The following CHL1 variants were observed in gnomAD, a reference collection of about 807,000 sequenced individuals.
CHL1 encodes the protein neural cell adhesion molecule L1-like protein.
In CHL1, 96 loss-of-function variants were observed where a neutral mutation model predicts 141.9. The observed-to-expected ratio is 0.68, with a 90% CI of 0.57 to 0.80. CHL1 has a LOEUF of 0.80. Among genes scored for constraint, CHL1 ranks in the 30% least tolerant of loss-of-function variants. CHL1 has a pLI of 0.00. For missense variants in CHL1, 1,820 were observed against 1,457.2 expected (o/e 1.25, Z -4.05); for synonymous variants, 613 against 502.2 (o/e 1.22, Z -2.95).
intron 2 of CHL1, among the ~76,000 whole-genome samples, chr3:261,058 A>G (rs1043795019): frequency 1.1e-4 from 16 of 152,196 alleles, no homozygotes; most frequent in Admixed American, 2.0e-4. Context: ...TAAACCTTAT[A>G]ATAACATCAC....
At chr3:357,077 T>A (rs763448422) in intron 11 of CHL1, among the ~76,000 whole-genome samples, 23 of 152,192 alleles carry the variant, frequency 1.5e-4, no homozygotes, top group Non-Finnish European at 2.8e-4. Context: ...AATAGGTTTG[T>A]TAATGGATGA....
intron 13 of CHL1, among the ~76,000 whole-genome samples, chr3:362,447 G>A (rs985850007): frequency 3.9e-5 from 6 of 151,906 alleles, no homozygotes. Context: ...TTTGTTCATC[G>A]TGGGTTTTTT....
intron 24 of CHL1, among the ~76,000 whole-genome samples, chr3:395,456 C>G (rs1255117429): frequency 6.6e-6 from 1 of 152,152 alleles, no homozygotes; most frequent in African/African-American, 2.4e-5. Context: ...TAACCATTTC[C>G]TTTCCCAAAT....
intron 3 of CHL1, among the ~76,000 whole-genome samples, chr3:322,672 TTA>T (rs1199118265): frequency 3.1e-5 from 4 of 127,844 alleles, no homozygotes; most frequent in Middle Eastern, 4.1e-3. Context: ...ATATATATAA[TTA>T]TATATATATA....
chr3:279,590 G>A (rs1696453583), intron 2 of CHL1, among the ~76,000 whole-genome samples: 1 of 152,144 alleles, frequency 6.6e-6, no homozygotes, highest in South Asian at 2.1e-4. Flanking sequence ...TTCTTAAATG[G>A]TCTTTTTTAT....
At chr3:322,190 A>C (rs1392991201) in intron 3 of CHL1, among the ~76,000 whole-genome samples, 1 of 152,120 alleles carries the variant, frequency 6.6e-6, no homozygotes, top group Admixed American at 6.6e-5. Context: ...ATGAAAATAC[A>C]GACATTTTGC....
At chr3:200,270 G>A (rs906075161) in intron 1 of CHL1, among the ~76,000 whole-genome samples, 7 of 152,118 alleles carry the variant, frequency 4.6e-5, no homozygotes, top group Admixed American at 2.6e-4. Context: ...AATGCACTTG[G>A]AATGCTTAAG....
chr3:317,542 G>C lies in CHL1; in HGVS notation c.-94-2141G>C, dbSNP rs114300093. Among the ~76,000 whole-genome samples the C allele has an allele frequency of 5.0e-3, 762 of 151,278 alleles. 6 individuals carry two copies. Among genetic ancestry groups the C allele is most frequent in the African/African-American group, 0.017 (721 of 41,222 alleles). On this transcript the variant is annotated intron_variant, in intron 2 of 27. Transcript: ENST00000256509. ...AACACATACATGAGATGCTCTTAAA[G>C]CCATCAGCATTGAAAACTAATGGAA... is the stretch of plus-strand genomic sequence containing the variant.
intron 1 of CHL1, among the ~76,000 whole-genome samples, chr3:231,382 T>C (rs957795185): frequency 6.6e-6 from 1 of 152,030 alleles, no homozygotes; most frequent in African/African-American, 2.4e-5. Context: ...TTGAACAGAG[T>C]AGATAATTGC....
chr3:355,579 G>C (rs976587683), intron 11 of CHL1, among the ~76,000 whole-genome samples: 1 of 152,190 alleles, frequency 6.6e-6, no homozygotes, highest in African/African-American at 2.4e-5. Flanking sequence ...TACGATAGTG[G>C]CTTCCATTTG....
At chr3:285,833 A>C (rs1000371948) in intron 2 of CHL1, among the ~76,000 whole-genome samples, 1 of 152,098 alleles carries the variant, frequency 6.6e-6, no homozygotes, top group African/African-American at 2.4e-5. Flanking sequence ...ATCACTGCTA[A>C]TTATGAAAAA....
chr3:197,590 T>A (rs978154712), intron 1 of CHL1: 1 of 350,838 alleles, frequency 2.9e-6, no homozygotes, highest in Non-Finnish European at 5.7e-6. Context: ...ACTGCCCCTG[T>A]GTGGCTCCTC....
intron 3 of CHL1, among the ~76,000 whole-genome samples, 200 bp from the exon 4 acceptor site, chr3:325,759 A>G (rs1700955304): frequency 6.6e-6 from 1 of 152,106 alleles, no homozygotes. Flanking sequence ...ATATATTAAA[A>G]CATGAAATGA....
intron 3 of CHL1, among the ~76,000 whole-genome samples, chr3:320,688 AC>A (rs1328703188): frequency 5.3e-5 from 8 of 152,100 alleles, no homozygotes; most frequent in South Asian, 2.1e-4. Context: ...ATATAGTGAG[AC>A]TTTGTTTTTT....
chr3:197,568 C>G (rs968191738), intron 1 of CHL1: 4 of 323,270 alleles, frequency 1.2e-5, no homozygotes, highest in South Asian at 9.8e-5. Context: ...GGGGCTCAGA[C>G]CCCCCCAGTC....
rs941086618 is a variant in CHL1 at position 223,239 on chromosome 3, T to A, written c.-174-21374T>A. 2.6e-5 allele frequency among the ~76,000 whole-genome samples: 4 copies of A among 152,200 alleles called. No homozygotes were observed. The East Asian group carries it at 7.7e-4, about 29-fold the overall frequency. The stretch of plus-strand genomic sequence containing the variant: ...TAAGTGACATTCGGGTGAAGTGTCA[T>A]CACCCATCACTATCCCTATCTGATA... On this transcript the variant is annotated intron_variant, in intron 1 of 27. Coordinates refer to ENST00000256509, the MANE Select transcript of CHL1 (RefSeq NM_006614.4).
At chr3:214,237 C>G (rs1261238608) in intron 1 of CHL1, among the ~76,000 whole-genome samples, 1 of 152,168 alleles carries the variant, frequency 6.6e-6, no homozygotes, top group African/African-American at 2.4e-5. Context: ...AATTTCTTCT[C>G]TACGTTTCAG....
At chr3:332,654 GT>G (rs1701531660) in intron 5 of CHL1, among the ~76,000 whole-genome samples, 1 of 152,152 alleles carries the variant, frequency 6.6e-6, no homozygotes, top group Non-Finnish European at 1.5e-5. Context: ...CCAGTGACAT[GT>G]CAACCTGAAA....
intron 2 of CHL1, among the ~76,000 whole-genome samples, chr3:317,947 A>T (rs2125025354): frequency 6.6e-6 from 1 of 152,022 alleles, no homozygotes; most frequent in South Asian, 2.1e-4. Context: ...AATTACAAGT[A>T]TAAGTTATTT....
Sources: gnomAD v4.1 joint callset for allele counts (sites outside exome capture counted in the v4.1 genomes callset) on GRCh38, gnomAD v4.1.1 for gene constraint, MANE v1.5 for transcripts, NCBI Gene and HGNC (gene_info 2026-07-23, HGNC 2026-07-21) for gene names.